Variants in DOCK1 observed in about 807,000 individuals in gnomAD.
The protein encoded by DOCK1 is dedicator of cytokinesis 1.
DOCK1 carries 138 observed loss-of-function variants against 262.7 expected under a neutral mutation model. That is an observed-to-expected ratio of 0.53 (90% CI 0.46 to 0.61). The LOEUF is 0.61. Among genes scored for constraint, DOCK1 ranks in the 20% least tolerant of loss-of-function variants. The pLI is 0.00. For synonymous variants in DOCK1, 866 were observed against 867.4 expected, an observed-to-expected ratio of 1.00 and a Z score of 0.03; for missense variants, 1,908 against 2,370.7, an observed-to-expected ratio of 0.80 and a Z score of 4.05.
chr10:127,026,697 A>G (rs1184826571), intron 16 of DOCK1, among the ~76,000 whole-genome samples: 3 of 152,086 alleles, frequency 2.0e-5, no homozygotes, highest in Non-Finnish European at 4.4e-5. Flanking sequence ...CTTGCCATCC[A>G]TCCATGCCAT....
At position 127,452,110 on chromosome 10, in the gene DOCK1, G is replaced by GA. The variant is rs1450210111; in HGVS notation, c.*688dup. 4 of 152,782 alleles carry GA rather than the reference G, an allele frequency of 2.6e-5. No homozygotes were observed. In the South Asian group the frequency reaches 8.3e-4, roughly 32 times the overall value. The allele number at this position is 152,782 out of a possible 1,614,324, so 9.5% of individuals were successfully genotyped here. A position where few individuals can be genotyped will look rare whatever the true frequency, so the allele number is the denominator to read the frequency against. ...GGAAGATAAGTGTTCGTTCTTTTCT[G>GA]AAAAAGAGTATGTGTACCACAAGAG... is the stretch of plus-strand genomic sequence containing the variant. On this transcript the variant is annotated 3_prime_UTR_variant, in exon 52 of 52. Transcript: ENST00000623213.
In DOCK1 at chr10:127,451,451, G is replaced by T; in HGVS notation, c.*24G>T. 6.4e-7 allele frequency: 1 copy of T among 1,557,694 alleles called. No individual in the cohort carries two copies. Among genetic ancestry groups the T allele is most frequent in the Non-Finnish European group, 8.7e-7 (1 of 1,150,802 alleles). On this transcript the variant is annotated 3_prime_UTR_variant, in exon 52 of 52. Coordinates refer to ENST00000623213, the MANE Select transcript of DOCK1 (RefSeq NM_001290223.2). The stretch of plus-strand genomic sequence containing the variant: ...GACGTCGCAAGCCTCTCTGGAAAGA[G>T]TGTGCTGCCCCTCCCCATCTCCATG...
chr10:127,439,731 T>C (rs2069957420), intron 49 of DOCK1, among the ~76,000 whole-genome samples: 1 of 152,158 alleles, frequency 6.6e-6, no homozygotes. Context: ...TCCTGCTCTG[T>C]CTCATCTGCT....
Position 127,176,061 on chromosome 10 carries a change from T to G in DOCK1, c.2847+48297T>G. 1 of 1,614,168 alleles carries G rather than the reference T, an allele frequency of 6.2e-7. No individual in the cohort carries two copies. The highest frequency in any genetic ancestry group is 1.7e-5 in the Admixed American group (1 of 60,022). Reference sequence around the variant, plus strand: ...CAGAGGGAACGTCTGGTAACACTTCTTAAGGTCGGGCGAGGTCTGCACGCC... The same window carrying G: ...CAGAGGGAACGTCTGGTAACACTTCGTAAGGTCGGGCGAGGTCTGCACGCC... On this transcript the variant is annotated intron_variant, in intron 27 of 51. Transcript: ENST00000623213. This position sits in a 1 kb window ranked among gnomAD's most constrained non-coding sequence, Gnocchi z 4.4.
chr10:127,190,719 A>C (rs559432591), intron 27 of DOCK1, among the ~76,000 whole-genome samples: 7 of 114,930 alleles, frequency 6.1e-5, no homozygotes, highest in African/African-American at 2.1e-4. Context: ...TTGCCATTAA[A>C]ATCCCCCACC....
intron 16 of DOCK1, 108 bp downstream of exon 16, chr10:127,026,532 A>C (rs2042878724): frequency 3.0e-6 from 3 of 1,005,012 alleles, no homozygotes; most frequent in Non-Finnish European, 4.5e-6. Context: ...TAACACAATA[A>C]GGCTCATTTC....
intron 47 of DOCK1, among the ~76,000 whole-genome samples, chr10:127,428,103 A>G (rs1187260116): frequency 6.6e-6 from 1 of 152,252 alleles, no homozygotes; most frequent in Non-Finnish European, 1.5e-5. Flanking sequence ...GTCAGAGCTG[A>G]GTGGCAAGAA....
chr10:127,070,221 G>A (rs1350482212), intron 23 of DOCK1, among the ~76,000 whole-genome samples: 1 of 148,682 alleles, frequency 6.7e-6, no homozygotes, highest in African/African-American at 2.5e-5. Context: ...ACATTCACAG[G>A]TCCCAAGGGT....
intron 37 of DOCK1, among the ~76,000 whole-genome samples, chr10:127,383,806 GCTCACCGTGTCCT>G (rs1234183668): frequency 6.6e-6 from 1 of 152,226 alleles, no homozygotes; most frequent in Admixed American, 6.5e-5. Flanking sequence ...GCAAGCCCAT[GCTCACCGTGTCCT>G]CCCGTGAGCC....
At chr10:127,369,720 A>C (rs918373401) in intron 33 of DOCK1, among the ~76,000 whole-genome samples, 1 of 152,212 alleles carries the variant, frequency 6.6e-6, no homozygotes, top group Non-Finnish European at 1.5e-5. Flanking sequence ...GTTTCACAGG[A>C]GCTCCAAGGT....
rs140928472 is a variant in DOCK1, at chr10:127,070,435, G to A, written c.2445+8659G>A. On this transcript the variant is annotated intron_variant, in intron 23 of 51. Coordinates refer to ENST00000623213, the MANE Select transcript of DOCK1 (RefSeq NM_001290223.2). ...CGCCAAGCTAATTTTTGTATTTTTA[G>A]TAGAGACAGGGTTTCACCACATTTG... Among the ~76,000 whole-genome samples the A allele has an allele frequency of 2.0e-3, 302 of 151,818 alleles. 5 individuals carry two copies. The highest frequency in any genetic ancestry group is 0.017 in the East Asian group (85 of 5,142).
chr10:127,264,894 C>G (rs757758087), intron 29 of DOCK1, among the ~76,000 whole-genome samples: 1 of 152,158 alleles, frequency 6.6e-6, no homozygotes, highest in Non-Finnish European at 1.5e-5. Flanking sequence ...GTCTCGAACT[C>G]CTGGGCTCAA....
At chr10:126,913,260 C>G (rs570009297) in intron 1 of DOCK1, among the ~76,000 whole-genome samples, 1 of 152,292 alleles carries the variant, frequency 6.6e-6, no homozygotes, top group Admixed American at 6.5e-5. Flanking sequence ...TTAGGATATT[C>G]ACACATCCTG....
chr10:127,078,212 G>T (rs543127502), intron 23 of DOCK1, among the ~76,000 whole-genome samples: 11 of 152,222 alleles, frequency 7.2e-5, no homozygotes, highest in South Asian at 4.1e-4. Flanking sequence ...TTTTCCAGGG[G>T]TCTCTTAGTA....
At chr10:127,124,654 A>G (rs559154052) in intron 25 of DOCK1, among the ~76,000 whole-genome samples, 2 of 152,116 alleles carry the variant, frequency 1.3e-5, no homozygotes, top group East Asian at 3.9e-4. Flanking sequence ...TGCGTCCCAG[A>G]GTGGGGCCTC....
At chr10:127,403,263 G>A (rs1297185275) in intron 39 of DOCK1, 119 bp downstream of exon 39, 2 of 951,736 alleles carry the variant, frequency 2.1e-6, no homozygotes, top group Non-Finnish European at 3.1e-6. Flanking sequence ...CCTTGGCCAT[G>A]TCCCTCCGTT....
chr10:127,219,020 T>C (rs1397303533), intron 27 of DOCK1, among the ~76,000 whole-genome samples: 1 of 152,206 alleles, frequency 6.6e-6, no homozygotes, highest in Non-Finnish European at 1.5e-5. Context: ...TCTTAAAGGA[T>C]GCACTTCTTA....
At chr10:127,372,903 G>A (rs536667740) in intron 33 of DOCK1, among the ~76,000 whole-genome samples, 171 of 152,304 alleles carry the variant, frequency 1.1e-3, no homozygotes, top group African/African-American at 4.0e-3. Context: ...ACTGGCACAA[G>A]TTGATGGTAA....
chr10:127,375,288 A>G (rs922376202), intron 35 of DOCK1, among the ~76,000 whole-genome samples: 1 of 152,222 alleles, frequency 6.6e-6, no homozygotes, highest in African/African-American at 2.4e-5. Flanking sequence ...AAGAAACACA[A>G]GGGCTGACTC....
Sources: gnomAD v4.1 joint callset for allele counts (sites outside exome capture counted in the v4.1 genomes callset) on GRCh38, gnomAD v4.1.1 for gene constraint, Gnocchi (gnomAD v3.1) non-coding constraint, MANE v1.5 for transcripts, NCBI Gene and HGNC (gene_info 2026-07-23, HGNC 2026-07-21) for gene names.